Variants in ACER2 observed in about 807,000 individuals in gnomAD.
ACER2 encodes the protein alkCDase 2.
Under a neutral mutation model 34.7 loss-of-function variants are expected in ACER2, and 26 were observed. The ratio of observed to expected loss-of-function variants is 0.75; its 90% confidence interval spans 0.55 to 1.04. The LOEUF (loss-of-function observed/expected upper bound fraction) is 1.04, where lower values mean the gene tolerates loss of function less well. ACER2 is among the 50% of genes least tolerant of loss of function. The pLI, the probability that ACER2 is intolerant of heterozygous loss-of-function variation, is 0.00. For synonymous variants in ACER2, 138 were observed against 132.1 expected (o/e 1.04, Z -0.31); for missense variants, 352 against 340.8 (o/e 1.03, Z -0.26).
At chr9:19,419,702 A>C (rs947717799) in intron 1 of ACER2, among the ~76,000 whole-genome samples, 12 of 152,320 alleles carry the variant, frequency 7.9e-5, no homozygotes, top group African/African-American at 2.9e-4. Context: ...GGCGGACATT[A>C]CAGTAAGGTG....
chr9:19,441,081 T>A (rs916577835), intron 4 of ACER2, among the ~76,000 whole-genome samples: 1 of 150,544 alleles, frequency 6.6e-6, no homozygotes, highest in Non-Finnish European at 1.5e-5. Context: ...AGAGTCCTAC[T>A]GTGTCACCCA....
intron 4 of ACER2, among the ~76,000 whole-genome samples, chr9:19,445,890 G>A (rs1247217684): frequency 6.6e-6 from 1 of 152,210 alleles, no homozygotes; most frequent in Non-Finnish European, 1.5e-5. Flanking sequence ...CTAGATGGAG[G>A]TGGTGGAAAG....
At chr9:19,438,459 T>A (rs925107555) in intron 4 of ACER2, among the ~76,000 whole-genome samples, 5 of 152,260 alleles carry the variant, frequency 3.3e-5, no homozygotes, top group South Asian at 4.1e-4. Context: ...TCTGCCGTGT[T>A]TGTGGACCTG....
At chr9:19,448,004 C>CTTTTGT (rs1831423795) in intron 5 of ACER2, among the ~76,000 whole-genome samples, 1 of 109,900 alleles carries the variant, frequency 9.1e-6, no homozygotes, top group African/African-American at 3.5e-5. Context: ...ACGATGCAAA[C>CTTTTGT]TTTTTTTTTT....
intron 4 of ACER2, among the ~76,000 whole-genome samples, chr9:19,444,717 C>T (rs1380257299): frequency 6.6e-6 from 1 of 152,118 alleles, no homozygotes; most frequent in Non-Finnish European, 1.5e-5. Flanking sequence ...GAGAGATGAG[C>T]TCTTTTTGAG....
At chr9:19,434,265 C>G (rs1247464301) in intron 3 of ACER2, among the ~76,000 whole-genome samples, 1 of 151,866 alleles carries the variant, frequency 6.6e-6, no homozygotes, top group Non-Finnish European at 1.5e-5. Flanking sequence ...GGCAGCCGGG[C>G]AGAGATGCTC....
intron 1 of ACER2, among the ~76,000 whole-genome samples, 189 bp downstream of exon 1, chr9:19,409,381 C>T (rs1312263673): frequency 6.6e-6 from 1 of 152,178 alleles, no homozygotes; most frequent in Admixed American, 6.5e-5. Flanking sequence ...TCTCCTGTCC[C>T]CATTCCCGAC....
intron 2 of ACER2, among the ~76,000 whole-genome samples, 187 bp downstream of exon 2, chr9:19,424,163 A>G (rs1830492617): frequency 6.6e-6 from 1 of 152,180 alleles, no homozygotes; most frequent in Non-Finnish European, 1.5e-5. Context: ...CATTACTGTC[A>G]CTTGCGTGCA....
chr9:19,450,378 A>T (rs1054750506), intron 5 of ACER2, 72 bp from the exon 6 acceptor site: 5 of 1,448,480 alleles, frequency 3.5e-6, no homozygotes, highest in Non-Finnish European at 4.6e-6. Flanking sequence ...GACCGGAAGA[A>T]GGAGCAGGCT....
chr9:19,446,410 C>G lies in ACER2; in HGVS notation c.633C>G (p.His211Gln). Residue 211 changes from histidine to glutamine, a missense_variant, in exon 5 of 6, where the codon CAC becomes CAG. Transcript: ENST00000340967. ...LLSSFNFPYL[H>Q]CMWHILICLA... is the part of the protein sequence containing the mutation. ...CATCCTTCAACTTCCCCTACCTGCA[C>G]TGCATGTGGTAAGCCCCTGCTAATG... The G allele has an allele frequency of 1.9e-6, 3 of 1,614,184 alleles. No individual in the cohort carries two copies. The highest frequency in any genetic ancestry group is 2.5e-6 in the Non-Finnish European group (3 of 1,180,034).
intron 1 of ACER2, among the ~76,000 whole-genome samples, chr9:19,419,582 G>A (rs1286383771): frequency 6.6e-6 from 1 of 152,096 alleles, no homozygotes; most frequent in South Asian, 2.1e-4. Flanking sequence ...CCTGGCCAAC[G>A]TGATGAAACT....
At chr9:19,441,198 T>C (rs1157864947) in intron 4 of ACER2, among the ~76,000 whole-genome samples, 1 of 152,004 alleles carries the variant, frequency 6.6e-6, no homozygotes, top group Non-Finnish European at 1.5e-5. Flanking sequence ...CACAGGCATG[T>C]GCCACCATGC....
intron 4 of ACER2, among the ~76,000 whole-genome samples, chr9:19,444,750 G>A (rs1293384628): frequency 6.6e-6 from 1 of 152,218 alleles, no homozygotes; most frequent in Non-Finnish European, 1.5e-5. Context: ...CAAAGGCGAG[G>A]CATTCAAGGT....
At chr9:19,422,219 T>G (rs1229947868) in intron 1 of ACER2, among the ~76,000 whole-genome samples, 1 of 151,798 alleles carries the variant, frequency 6.6e-6, no homozygotes, top group Non-Finnish European at 1.5e-5. Flanking sequence ...GAGGCTCCCT[T>G]AAGCCTGGAA....
At chr9:19,410,309 G>A (rs1358879294) in intron 1 of ACER2, among the ~76,000 whole-genome samples, 1 of 152,172 alleles carries the variant, frequency 6.6e-6, no homozygotes, top group East Asian at 1.9e-4. Flanking sequence ...GCATGGCTGG[G>A]GCCACAATCC....
Position 19,428,047 on chromosome 9 carries a change from C to CCTTTCCTTTA in ACER2, c.365+3215_365+3216insACTTTCCTTT, listed in dbSNP as rs1563880141. 6.1e-5 allele frequency among the ~76,000 whole-genome samples: 8 copies of CCTTTCCTTTA among 131,706 alleles called. No individual in the cohort carries two copies. In the East Asian group the frequency reaches 1.7e-3, roughly 28 times the overall value. The allele number at this position is 131,706 out of a possible 152,430, so 86.4% of individuals were successfully genotyped here. The stretch of plus-strand genomic sequence containing the variant: ...CCTTTCCTTTCCTTTCCTTTCCTTT[C>CCTTTCCTTTA]CTTTCCTTTCCTTTCCTTTCCTTTC... On this transcript the variant is annotated intron_variant, in intron 3 of 5. Transcript: ENST00000340967.
chr9:19,416,852 A>G (rs1217174369), intron 1 of ACER2, among the ~76,000 whole-genome samples: 1 of 152,106 alleles, frequency 6.6e-6, no homozygotes, highest in East Asian at 1.9e-4. Flanking sequence ...GGTTTTTAAG[A>G]TCCTTCTTAA....
At chr9:19,410,356 C>T (rs918817070) in intron 1 of ACER2, among the ~76,000 whole-genome samples, 1 of 152,174 alleles carries the variant, frequency 6.6e-6, no homozygotes, top group African/African-American at 2.4e-5. Context: ...GTGCTGAAAT[C>T]CATGGCTGGC....
intron 3 of ACER2, among the ~76,000 whole-genome samples, chr9:19,431,785 T>C (rs1830762384): frequency 6.6e-6 from 1 of 152,270 alleles, no homozygotes; most frequent in South Asian, 2.1e-4. Context: ...GTTTGATCAA[T>C]GATTTCCTGT....
Sources: gnomAD v4.1 joint callset for allele counts (sites outside exome capture counted in the v4.1 genomes callset) on GRCh38, gnomAD v4.1.1 for gene constraint, MANE v1.5 for transcripts, NCBI Gene and HGNC (gene_info 2026-07-23, HGNC 2026-07-21) for gene names.